STX7: variants seen among roughly 807,000 people sequenced by gnomAD.
STX7 encodes syntaxin 7.
STX7 carries 34 observed loss-of-function variants against 39.6 expected under a neutral mutation model. That is an observed-to-expected ratio of 0.86 (90% CI 0.65 to 1.14). The LOEUF is 1.14. Among genes scored for constraint, STX7 ranks in the 50% most tolerant of loss-of-function variants. The pLI is 0.00. For missense variants in STX7, 284 were observed against 310.4 expected (o/e 0.92, Z 0.64); for synonymous variants, 119 against 99.1 (o/e 1.20, Z -1.19).
intron 2 of STX7, among the ~76,000 whole-genome samples, chr6:132,495,384 C>T (rs1165404732): frequency 2.0e-5 from 3 of 152,116 alleles, no homozygotes; most frequent in Non-Finnish European, 4.4e-5. Context: ...AGTTTTTCTC[C>T]TCTAAGTGGG....
At chr6:132,490,426 G>A (rs901562517) in intron 2 of STX7, among the ~76,000 whole-genome samples, 4 of 152,122 alleles carry the variant, frequency 2.6e-5, no homozygotes, top group Non-Finnish European at 5.9e-5. Flanking sequence ...ATAGAAACAC[G>A]GTAGAAGCAT....
At chr6:132,470,373 T>C (rs923868517) in intron 6 of STX7, among the ~76,000 whole-genome samples, 5 of 152,094 alleles carry the variant, frequency 3.3e-5, no homozygotes, top group African/African-American at 1.2e-4. Flanking sequence ...TAAACATTTA[T>C]TTGGAAAACT....
rs532676964 is a variant in STX7, at chr6:132,498,439, C to T, written c.85+5007G>A. On this transcript the variant is annotated intron_variant, in intron 2 of 9. Coordinates refer to ENST00000367941, the MANE Select transcript of STX7 (RefSeq NM_003569.3). ...TCCTTTTTTGGGGGTATAAACTAAA[C>T]CATAAAACTTAATATTTTATAAGTG... 5.0e-5 allele frequency among the ~76,000 whole-genome samples: 7 copies of T among 141,232 alleles called. 1 individual carries two copies. In the South Asian group the frequency reaches 1.4e-3, roughly 29 times the overall value. 92.7% of individuals were successfully genotyped at this position (141,232 alleles called of 152,430 possible).
At chr6:132,469,754 G>A (rs899033014) in intron 7 of STX7, among the ~76,000 whole-genome samples, 197 bp downstream of exon 7, 4 of 152,108 alleles carry the variant, frequency 2.6e-5, no homozygotes, top group Admixed American at 1.3e-4. Flanking sequence ...CACAAGAATC[G>A]CTTGAAGCTG....
At position 132,454,933 on chromosome 6, in the gene STX7, G is replaced by A. The variant is rs977464981; in HGVS notation, c.*5825C>T. ...AAACTATGATAACCTTTATGAGGCT[G>A]AACATTAAATCTGGCCCTGGGAAGA... On this transcript the variant is annotated 3_prime_UTR_variant, in exon 10 of 10. Transcript: ENST00000367941. 6.6e-6 allele frequency: 1 copy of A among 151,968 alleles called. No individual in the cohort carries two copies. Among genetic ancestry groups the A allele is most frequent in the African/African-American group, 2.4e-5 (1 of 41,416 alleles). 9.4% of individuals were successfully genotyped at this position (151,968 alleles called of 1,614,324 possible). A position where few individuals can be genotyped will look rare whatever the true frequency, so the allele number is the denominator to read the frequency against.
chr6:132,479,204 C>G (rs1330721718), intron 2 of STX7, among the ~76,000 whole-genome samples: 1 of 152,150 alleles, frequency 6.6e-6, no homozygotes, highest in Non-Finnish European at 1.5e-5. Context: ...CTGCTTCCAC[C>G]CTTTACTGAA....
At chr6:132,512,267 T>C (rs1232982463) in intron 1 of STX7, among the ~76,000 whole-genome samples, 1 of 150,368 alleles carries the variant, frequency 6.7e-6, no homozygotes, top group East Asian at 1.9e-4. Flanking sequence ...CGTATACAGA[T>C]AAGAGCCAAA....
Position 132,458,256 on chromosome 6 carries a change from C to A in STX7, c.*2502G>T, listed in dbSNP as rs1307165067. 6.6e-6 allele frequency: 1 copy of A among 152,188 alleles called. No homozygotes were observed. The highest frequency in any genetic ancestry group is 1.5e-5 in the Non-Finnish European group (1 of 68,056). 9.4% of individuals were successfully genotyped at this position (152,188 alleles called of 1,614,324 possible). A position where few individuals can be genotyped will look rare whatever the true frequency, so the allele number is the denominator to read the frequency against. On this transcript the variant is annotated 3_prime_UTR_variant, in exon 10 of 10. Transcript: ENST00000367941. Reference sequence around the variant, plus strand: ...GGGGCAGCCAGCGGGCTCAGAGGGTCCAACTCCAGACACTGCATCCATGGC... The same window carrying A: ...GGGGCAGCCAGCGGGCTCAGAGGGTACAACTCCAGACACTGCATCCATGGC...
Position 132,475,591 on chromosome 6 carries a change from A to T in STX7, c.155+2T>A. 6.3e-7 allele frequency: 1 copy of T among 1,596,126 alleles called. No individual in the cohort carries two copies. The stretch of plus-strand genomic sequence containing the variant: ...CTTTTATTTATTTAACTAGATACTT[A>T]CAACTGTTGCCTCAATTCAGGTGAA... On this transcript the variant is annotated splice_donor_variant, in intron 3 of 9. Coordinates refer to ENST00000367941, the MANE Select transcript of STX7 (RefSeq NM_003569.3). LOFTEE classifies it high-confidence loss of function.
chr6:132,487,879 T>C (rs1014787608), intron 2 of STX7, among the ~76,000 whole-genome samples: 7 of 152,180 alleles, frequency 4.6e-5, no homozygotes, highest in Non-Finnish European at 1.0e-4. Flanking sequence ...TTTGGTTTCA[T>C]TGATTTTTTT....
chr6:132,473,520 G>GTTTTTTTTTTTTATTTTTTTTTTTTT (rs1774791376), intron 3 of STX7, among the ~76,000 whole-genome samples: 1 of 136,294 alleles, frequency 7.3e-6, no homozygotes, highest in Non-Finnish European at 1.6e-5. Flanking sequence ...TTATTGTGTT[G>GTTTTTTTTTTTTATTTTTTTTTTTTT]TTTTTTTTTT....
chr6:132,462,599 G>GTA (rs1239073398), intron 9 of STX7, among the ~76,000 whole-genome samples: 1 of 151,566 alleles, frequency 6.6e-6, no homozygotes, highest in African/African-American at 2.4e-5. Context: ...GTGTGTGTGT[G>GTA]TGTGTGTGTG....
In STX7 at chr6:132,473,943, C is replaced by A. The variant is rs540290311; in HGVS notation, c.156-1568G>T. ...TATAGTCAAAGTTTTAAAAAGAAGA[C>A]CTTAGGCTGGACATGGTGGCTCATG... On this transcript the variant is annotated intron_variant, in intron 3 of 9. Transcript: ENST00000367941. Among the ~76,000 whole-genome samples, 19 of 151,274 alleles carry A rather than the reference C, an allele frequency of 1.3e-4. No homozygotes were observed. In the South Asian group the frequency reaches 3.5e-3, roughly 28 times the overall value.
chr6:132,472,345 A>G lies in STX7; in HGVS notation c.186T>C (p.Leu62=), dbSNP rs150166580. Residue 62 remains leucine (L), a synonymous_variant, in exon 4 of 10, where the codon CTT becomes CTC. Transcript: ENST00000367941. ...TAATGTACTTATCTGTTTCTTTGGCAAGCTGGTTAGTATACTGCTGCTTCT... is the reference window on the plus strand; with the variant it reads ...TAATGTACTTATCTGTTTCTTTGGCGAGCTGGTTAGTATACTGCTGCTTCT... ...LQQKQQYTNQ[L]AKETDKYIKE... The G allele has an allele frequency of 2.8e-4, 451 of 1,613,570 alleles. 2 individuals carry two copies. The African/African-American group carries it at 5.5e-3, about 20-fold the overall frequency.
chr6:132,495,491 C>T (rs952022502), intron 2 of STX7, among the ~76,000 whole-genome samples: 2 of 152,126 alleles, frequency 1.3e-5, no homozygotes, highest in Admixed American at 1.3e-4. Context: ...TTTTTCAACT[C>T]TTTTTCCTTT....
chr6:132,510,222 G>A (rs1046378512), intron 1 of STX7, among the ~76,000 whole-genome samples: 2 of 152,168 alleles, frequency 1.3e-5, no homozygotes, highest in Non-Finnish European at 2.9e-5. Flanking sequence ...ATACTTAGAA[G>A]AAAGAATGAA....
rs1342713051 is a variant in STX7, at chr6:132,460,799, C to T, written c.745G>A (p.Val249Ile). ...CATATGATGAGACTGATAATCGCAA[C>T]TCCAATGACAAGGATAAGAATGATG... ...CIIILILVIG[V>I]AIISLIIWGL... The change falls in exon 10 of 10, where the codon GTT becomes ATT. Residue 249 changes from valine to isoleucine, a missense_variant. Transcript: ENST00000367941. The T allele has an allele frequency of 1.2e-6, 2 of 1,613,660 alleles. No individual in the cohort carries two copies. The highest frequency in any genetic ancestry group is 1.7e-5 in the Admixed American group (1 of 60,000).
In STX7 at chr6:132,504,609, T is replaced by A. The variant is rs139476574; in HGVS notation, c.-58-1021A>T. Among the ~76,000 whole-genome samples, 8 of 152,312 alleles carry A rather than the reference T, an allele frequency of 5.3e-5. No homozygotes were observed. The East Asian group carries it at 1.5e-3, about 29-fold the overall frequency. On this transcript the variant is annotated intron_variant, in intron 1 of 9. Coordinates refer to ENST00000367941, the MANE Select transcript of STX7 (RefSeq NM_003569.3). Reference sequence around the variant, plus strand: ...AGCTCTCTACTAAGAGCCTGGTACATGCCCAGCATTAAACTAAGCACCTGG... The same window carrying A: ...AGCTCTCTACTAAGAGCCTGGTACAAGCCCAGCATTAAACTAAGCACCTGG...
rs1301960439 is a variant in STX7, at chr6:132,451,718, A to C, written c.*9040T>G. On this transcript the variant is annotated 3_prime_UTR_variant, in exon 10 of 10. Transcript: ENST00000367941. ...AATTCATCTAAAAATACAAACTGTC[A>C]CAACTCAATATGAAATAGATAAATT... 6.6e-6 allele frequency: 1 copy of C among 152,222 alleles called. No individual in the cohort carries two copies. Among genetic ancestry groups the C allele is most frequent in the Non-Finnish European group, 1.5e-5 (1 of 68,040 alleles). The allele number at this position is 152,222 out of a possible 1,614,324, so 9.4% of individuals were successfully genotyped here.
Sources: allele counts gnomAD v4.1 joint callset (sites outside exome capture counted in the v4.1 genomes callset), GRCh38; gene constraint gnomAD v4.1.1; transcripts MANE v1.5; gene names NCBI Gene and HGNC (gene_info 2026-07-23, HGNC 2026-07-21).